CDH18: variants seen among roughly 807,000 people sequenced by gnomAD.
The protein encoded by CDH18 is cadherin 18, also known as cadherin-18.
In CDH18, 31 loss-of-function variants were observed where a neutral mutation model predicts 67.9. The ratio of observed to expected loss-of-function variants is 0.46; its 90% CI spans 0.34 to 0.62. The LOEUF (loss-of-function observed/expected upper bound fraction) is 0.62. Among genes scored for constraint, CDH18 ranks in the 20% least tolerant of loss-of-function variants. The probability of loss-of-function intolerance (pLI) is 0.01; values close to 1 mark genes in which losing one functional copy is unlikely to be tolerated. For missense variants in CDH18, 890 were observed against 975.5 expected (o/e 0.91, Z 1.17); for synonymous variants, 362 against 347.2 (o/e 1.04, Z -0.48).
intron 2 of CDH18, among the ~76,000 whole-genome samples, chr5:20,205,191 G>T (rs1045327637): frequency 3.3e-5 from 5 of 151,842 alleles, no homozygotes; most frequent in African/African-American, 1.2e-4. Context: ...TGTTAAAACC[G>T]ATATTACATG....
At chr5:19,595,402 C>T (rs1746011775) in intron 6 of CDH18, among the ~76,000 whole-genome samples, 1 of 152,084 alleles carries the variant, frequency 6.6e-6, no homozygotes, top group Admixed American at 6.6e-5. Flanking sequence ...GAACCTGGTA[C>T]GGTGGCTCGA....
chr5:19,560,295 G>A (rs1192973987), intron 8 of CDH18, among the ~76,000 whole-genome samples: 1 of 152,020 alleles, frequency 6.6e-6, no homozygotes, highest in African/African-American at 2.4e-5. Context: ...AAAACAGCAT[G>A]GTACTGGTAT....
Position 19,562,948 on chromosome 5 carries a change from A to G in CDH18, c.1253+8631T>C, listed in dbSNP as rs558177519. 7.9e-4 allele frequency among the ~76,000 whole-genome samples: 120 copies of G among 152,276 alleles called. 3 individuals are homozygous for G. In the South Asian group the frequency reaches 0.022, roughly 28 times the overall value. ...AATCAAGTAATGTACATCTTTAACT[A>G]CAATACGGAGAAACTATAAAATTAA... is the stretch of plus-strand genomic sequence containing the variant. On this transcript the variant is annotated intron_variant, in intron 8 of 12. Transcript: ENST00000382275.
intron 1 of CDH18, among the ~76,000 whole-genome samples, chr5:20,330,203 C>G (rs1344615000): frequency 6.6e-6 from 1 of 152,054 alleles, no homozygotes; most frequent in Non-Finnish European, 1.5e-5. Flanking sequence ...AAATTTGAAT[C>G]TATTGCTGAA....
chr5:20,098,884 T>C (rs1310416232), intron 2 of CDH18, among the ~76,000 whole-genome samples: 1 of 152,178 alleles, frequency 6.6e-6, no homozygotes, highest in East Asian at 1.9e-4. Context: ...TAGCCACGAA[T>C]TAAGTTAGTC....
chr5:20,422,946 C>T (rs1329616627), intron 1 of CDH18, among the ~76,000 whole-genome samples: 1 of 151,146 alleles, frequency 6.6e-6, no homozygotes, highest in East Asian at 1.9e-4. Context: ...TACTACATGG[C>T]ACAGGTAGAC....
chr5:19,866,634 TAGG>T, intron 2 of CDH18, among the ~76,000 whole-genome samples: 2 of 152,246 alleles, frequency 1.3e-5, no homozygotes, highest in South Asian at 4.1e-4. Context: ...GATTTCTCAG[TAGG>T]TCACTCACAT....
chr5:19,771,991 A>G (rs933375960), intron 3 of CDH18, among the ~76,000 whole-genome samples: 9 of 152,160 alleles, frequency 5.9e-5, no homozygotes, highest in African/African-American at 2.2e-4. Flanking sequence ...GGATTGTGGT[A>G]TTTTTATAGC....
chr5:20,060,100 T>A lies in CDH18; in HGVS notation c.-517-68086A>T, dbSNP rs79499684. 5.5e-3 allele frequency among the ~76,000 whole-genome samples: 841 copies of A among 152,224 alleles called. 60 individuals are homozygous for A. The East Asian group carries it at 0.15, about 27-fold the overall frequency. On this transcript the variant is annotated intron_variant, in intron 2 of 14. Transcript: ENST00000507958. ...GTAACAAACGTGCACATTCTGCACATATATCCCACAAGTTAAAATATAATA... is the reference window on the plus strand; with the variant it reads ...GTAACAAACGTGCACATTCTGCACAAATATCCCACAAGTTAAAATATAATA...
chr5:20,001,731 T>C (rs1190888021), intron 2 of CDH18, among the ~76,000 whole-genome samples: 1 of 152,170 alleles, frequency 6.6e-6, no homozygotes, highest in African/African-American at 2.4e-5. Flanking sequence ...TCTCTTGCGT[T>C]GTATAAGCCC....
chr5:20,514,629 T>C (rs371594557), intron 1 of CDH18, among the ~76,000 whole-genome samples: 2 of 152,104 alleles, frequency 1.3e-5, no homozygotes, highest in African/African-American at 4.8e-5. Context: ...TGTGTTTGTG[T>C]GTCTGTCCCT....
intron 2 of CDH18, among the ~76,000 whole-genome samples, chr5:20,031,359 A>G (rs1368793606): frequency 6.6e-6 from 1 of 152,138 alleles, no homozygotes; most frequent in Non-Finnish European, 1.5e-5. Flanking sequence ...AAAAGTGGCC[A>G]GTGTCACCAC....
chr5:20,193,457 A>C (rs2126725613), intron 2 of CDH18, among the ~76,000 whole-genome samples: 1 of 152,134 alleles, frequency 6.6e-6, no homozygotes, highest in East Asian at 1.9e-4. Context: ...GCCTACCACT[A>C]AAAAATGCCT....
intron 2 of CDH18, among the ~76,000 whole-genome samples, chr5:19,889,639 G>A (rs1460382537): frequency 6.6e-6 from 1 of 151,962 alleles, no homozygotes; most frequent in Non-Finnish European, 1.5e-5. Context: ...GATGCCACCA[G>A]GCCTAGGGTT....
intron 3 of CDH18, among the ~76,000 whole-genome samples, chr5:19,748,436 C>G (rs1770418676): frequency 1.3e-5 from 2 of 152,210 alleles, no homozygotes; most frequent in Admixed American, 6.5e-5. Context: ...TGCTATAACA[C>G]CAAAATTCAC....
chr5:19,548,664 G>A (rs149334043), intron 8 of CDH18, among the ~76,000 whole-genome samples: 2 of 151,908 alleles, frequency 1.3e-5, no homozygotes, highest in African/African-American at 4.8e-5. Context: ...GAAACGAAGG[G>A]ACAGAGTAAT....
chr5:20,165,181 G>A (rs1439765679), intron 2 of CDH18, among the ~76,000 whole-genome samples: 1 of 151,962 alleles, frequency 6.6e-6, no homozygotes, highest in Non-Finnish European at 1.5e-5. Flanking sequence ...CATATTATTT[G>A]TTCTGTGAAA....
chr5:20,053,483 T>C (rs1741626033), intron 2 of CDH18, among the ~76,000 whole-genome samples: 1 of 152,028 alleles, frequency 6.6e-6, no homozygotes, highest in Admixed American at 6.6e-5. Context: ...CATCTCAGCT[T>C]TCCCCTATCT....
chr5:19,592,070 C>T (rs1745235112), intron 6 of CDH18, among the ~76,000 whole-genome samples: 1 of 151,934 alleles, frequency 6.6e-6, no homozygotes, highest in African/African-American at 2.4e-5. Context: ...ATTCAACAGA[C>T]AAGTTAATAT....
Sources: gnomAD v4.1 joint callset for allele counts (sites outside exome capture counted in the v4.1 genomes callset) on GRCh38, gnomAD v4.1.1 for gene constraint, MANE v1.5 for transcripts, NCBI Gene and HGNC (gene_info 2026-07-23, HGNC 2026-07-21) for gene names.